The following UBE2QL1 variants were observed in gnomAD, a reference collection of about 807,000 sequenced individuals.
UBE2QL1 encodes ubiquitin-conjugating enzyme E2Q-like protein 1.
In UBE2QL1, 5 loss-of-function variants were observed where a neutral mutation model predicts 12.6. The observed-to-expected ratio is 0.40, with a 90% CI of 0.21 to 0.83. UBE2QL1 has a LOEUF of 0.83. Ranked by LOEUF, UBE2QL1 falls within the 40% of genes least tolerant of loss-of-function variation. The pLI is 0.37. For synonymous variants in UBE2QL1, 96 were observed against 94.5 expected (o/e 1.02, Z -0.10); for missense variants, 99 against 222.6 (o/e 0.44, Z 3.53).
At chr5:6,459,841 T>C (rs1296680532) in intron 1 of UBE2QL1, among the ~76,000 whole-genome samples, 1 of 152,196 alleles carries the variant, frequency 6.6e-6, no homozygotes, top group Non-Finnish European at 1.5e-5. Flanking sequence ...CTGCTGTGGT[T>C]TCTTTCAATC....
At position 6,461,544 on chromosome 5, in the gene UBE2QL1, C is replaced by T. The variant is rs114702687; in HGVS notation, c.354+12297C>T. On this transcript the variant is annotated intron_variant, in intron 1 of 1. Coordinates refer to ENST00000399816, the MANE Select transcript of UBE2QL1 (RefSeq NM_001145161.3). ...CCCCAGTGTTTTTCAGCACCCACCACCCCCCCCCGCCGGCATATCATTCTA... is the reference window on the plus strand; with the variant it reads ...CCCCAGTGTTTTTCAGCACCCACCATCCCCCCCCGCCGGCATATCATTCTA... Among the ~76,000 whole-genome samples, 10 of 86,966 alleles carry T rather than the reference C, an allele frequency of 1.1e-4. 1 individual carries two copies. In the South Asian group the frequency reaches 1.8e-3, roughly 16 times the overall value. 57.1% of individuals were successfully genotyped at this position (86,966 alleles called of 152,430 possible).
chr5:6,461,266 A>G (rs1344574309), intron 1 of UBE2QL1, among the ~76,000 whole-genome samples: 1 of 152,146 alleles, frequency 6.6e-6, no homozygotes, highest in East Asian at 1.9e-4. Context: ...GGCCTTGAGC[A>G]TTGACCCAAA....
Position 6,478,107 on chromosome 5 carries a change from C to T in UBE2QL1, c.355-13111C>T, listed in dbSNP as rs1002538414. 2.6e-5 allele frequency among the ~76,000 whole-genome samples: 4 copies of T among 152,168 alleles called. No homozygotes were observed. Among genetic ancestry groups the T allele is most frequent in the Non-Finnish European group, 5.9e-5 (4 of 68,020 alleles). On this transcript the variant is annotated intron_variant, in intron 1 of 1. Coordinates refer to ENST00000399816, the MANE Select transcript of UBE2QL1 (RefSeq NM_001145161.3). The surrounding 1 kb of genome is among the most constrained non-coding windows in gnomAD (Gnocchi z 4.5). ...GTCTTATTATTGCTGTGCTTTATTGCAAAAACAGACTATTTGAGAAAGTAA... is the reference window on the plus strand; with the variant it reads ...GTCTTATTATTGCTGTGCTTTATTGTAAAAACAGACTATTTGAGAAAGTAA...
Position 6,478,807 on chromosome 5 carries a change from G to A in UBE2QL1, c.355-12411G>A, listed in dbSNP as rs1734290610. On this transcript the variant is annotated intron_variant, in intron 1 of 1. Transcript: ENST00000399816. The surrounding 1 kb of genome is among the most constrained non-coding windows in gnomAD (Gnocchi z 4.5). ...TAGGGCTGCAGGTGGATGATCTCCTGCGCACGTGGGAGAGTGATCCTAGGA... is the reference window on the plus strand; with the variant it reads ...TAGGGCTGCAGGTGGATGATCTCCTACGCACGTGGGAGAGTGATCCTAGGA... 6.6e-6 allele frequency among the ~76,000 whole-genome samples: 1 copy of A among 152,148 alleles called. No individual in the cohort carries two copies. The highest frequency in any genetic ancestry group is 6.5e-5 in the Admixed American group (1 of 15,272).
chr5:6,483,143 A>T (rs1246114281), intron 1 of UBE2QL1, among the ~76,000 whole-genome samples: 1 of 152,226 alleles, frequency 6.6e-6, no homozygotes, highest in South Asian at 2.1e-4. Context: ...GCCTTTAAAA[A>T]TGAGAGCCCT....
At position 6,491,511 on chromosome 5, in the gene UBE2QL1, CAG is replaced by C; in HGVS notation, c.*167_*168del. The C allele has an allele frequency of 1.0e-6, 1 of 974,706 alleles. No individual in the cohort carries two copies. The highest frequency in any genetic ancestry group is 1.4e-6 in the Non-Finnish European group (1 of 705,398). 60.4% of individuals were successfully genotyped at this position (974,706 alleles called of 1,614,324 possible). On this transcript the variant is annotated 3_prime_UTR_variant, in exon 2 of 2. Transcript: ENST00000399816. ...AGTTATTTATGAAAAGATGTGTGTA[CAG>C]AGAGGAAGAGGGAGCAAATGCCGTT...
At chr5:6,463,182 T>A (rs1278318610) in intron 1 of UBE2QL1, among the ~76,000 whole-genome samples, 2 of 152,246 alleles carry the variant, frequency 1.3e-5, no homozygotes, top group Admixed American at 6.5e-5. Flanking sequence ...TCATGATGTT[T>A]ACAGATTGGT....
In UBE2QL1 at chr5:6,491,419, T is replaced by C. The variant is rs3733778; in HGVS notation, c.*70T>C. The C allele has an allele frequency of 0.16, 240,756 of 1,464,122 alleles. 31,721 individuals carry two copies. Among genetic ancestry groups the C allele is most frequent in the African/African-American group, 0.71 (49,784 of 70,326 alleles). 90.7% of individuals were successfully genotyped at this position (1,464,122 alleles called of 1,614,324 possible). A position where few individuals can be genotyped will look rare whatever the true frequency, so the allele number is the denominator to read the frequency against. ...CACCAGTACCCTGACATCTCCTCAA[T>C]GCTGTGCATCCTCCACCCGTTTTTA... On this transcript the variant is annotated 3_prime_UTR_variant, in exon 2 of 2. Transcript: ENST00000399816.
In UBE2QL1 at chr5:6,470,002, G is replaced by A. The variant is rs1487838607; in HGVS notation, c.354+20755G>A. ...GCGGGACCCTGCAATGGTCTGTGGC[G>A]ATTATAAGACAACAGCGATGCCGGG... On this transcript the variant is annotated intron_variant, in intron 1 of 1. Transcript: ENST00000399816. Among the ~76,000 whole-genome samples the A allele has an allele frequency of 2.2e-4, 34 of 152,208 alleles. 1 individual carries two copies. Among genetic ancestry groups the A allele is most frequent in the Admixed American group, 2.2e-3 (34 of 15,288 alleles).
Position 6,479,252 on chromosome 5 carries a change from T to C in UBE2QL1, c.355-11966T>C, listed in dbSNP as rs1405686013. ...GCGATGGGGCCCTGGATTCTCTTCC[T>C]GTTCAGTATGTGTTCCAAGAAGAAG... On this transcript the variant is annotated intron_variant, in intron 1 of 1. Transcript: ENST00000399816. The surrounding 1 kb of genome is among the most constrained non-coding windows in gnomAD (Gnocchi z 4.2). Among the ~76,000 whole-genome samples the C allele has an allele frequency of 6.6e-6, 1 of 151,818 alleles. No individual in the cohort carries two copies. The highest frequency in any genetic ancestry group is 1.5e-5 in the Non-Finnish European group (1 of 68,010).
rs1008108412 is a variant in UBE2QL1, at chr5:6,495,645, G to T, written c.*4296G>T. Among the ~76,000 whole-genome samples, 1 of 152,206 alleles carries T rather than the reference G, an allele frequency of 6.6e-6. No individual in the cohort carries two copies. Among genetic ancestry groups the T allele is most frequent in the African/African-American group, 2.4e-5 (1 of 41,446 alleles). On this transcript the variant is annotated 3_prime_UTR_variant, in exon 2 of 2. Coordinates refer to ENST00000399816, the MANE Select transcript of UBE2QL1 (RefSeq NM_001145161.3). ...CCAAGCCAGCTGAGAAACACCCACA[G>T]GATCCATTCTGTGCCCAAAGCAAAT... is the stretch of plus-strand genomic sequence containing the variant.
At chr5:6,464,753 A>T (rs1739748435) in intron 1 of UBE2QL1, among the ~76,000 whole-genome samples, 1 of 152,110 alleles carries the variant, frequency 6.6e-6, no homozygotes, top group South Asian at 2.1e-4. Flanking sequence ...TAAATGCCTT[A>T]ATGACGTTTC....
chr5:6,485,004 T>G (rs1030478486), intron 1 of UBE2QL1, among the ~76,000 whole-genome samples: 1 of 152,070 alleles, frequency 6.6e-6, no homozygotes, highest in African/African-American at 2.4e-5. Context: ...GCAGTTTGAA[T>G]GTAACCACCA....
chr5:6,461,543 A>ACCCCCCCCCCCCCCCCCC (rs71953375), intron 1 of UBE2QL1, among the ~76,000 whole-genome samples: 3 of 42,178 alleles, frequency 7.1e-5, no homozygotes, highest in Non-Finnish European at 1.5e-4. Context: ...AGCACCCACC[A>ACCCCCCCCCCCCCCCCCC]CCCCCCCCCG....
intron 1 of UBE2QL1, among the ~76,000 whole-genome samples, chr5:6,451,804 T>C (rs980249121): frequency 3.3e-5 from 5 of 152,260 alleles, no homozygotes; most frequent in Non-Finnish European, 7.3e-5. Flanking sequence ...TGTCTCTTTA[T>C]GTACTTTTGC....
chr5:6,489,831 C>T (rs1375376312), intron 1 of UBE2QL1, among the ~76,000 whole-genome samples: 1 of 152,200 alleles, frequency 6.6e-6, no homozygotes, highest in Non-Finnish European at 1.5e-5. Context: ...GTCCAAGGCA[C>T]CTGGCTGCTG....
At position 6,493,696 on chromosome 5, in the gene UBE2QL1, T is replaced by C. The variant is rs562334735; in HGVS notation, c.*2347T>C. 6.6e-6 allele frequency: 1 copy of C among 151,004 alleles called. No homozygotes were observed. Among genetic ancestry groups the C allele is most frequent in the Admixed American group, 6.5e-5 (1 of 15,284 alleles). 9.4% of individuals were successfully genotyped at this position (151,004 alleles called of 1,614,324 possible). On this transcript the variant is annotated 3_prime_UTR_variant, in exon 2 of 2. Transcript: ENST00000399816. ...TTTTTCACTCAATTGGTAAGAATTT[T>C]TCATTTTAAAAGCAGTAGGAAGTGA...
chr5:6,461,540 A>ACCCCCC lies in UBE2QL1; in HGVS notation c.354+12295_354+12296insCCCCCC, dbSNP rs71606052. ...CTATCCCCAGTGTTTTTCAGCACCC[A>ACCCCCC]CCACCCCCCCCCGCCGGCATATCAT... is the stretch of plus-strand genomic sequence containing the variant. On this transcript the variant is annotated intron_variant, in intron 1 of 1. Transcript: ENST00000399816. Among the ~76,000 whole-genome samples, 34 of 46,818 alleles carry ACCCCCC rather than the reference A, an allele frequency of 7.3e-4. 1 individual carries two copies. The highest frequency in any genetic ancestry group is 1.5e-3 in the Non-Finnish European group (31 of 20,678). 30.7% of individuals were successfully genotyped at this position (46,818 alleles called of 152,430 possible).
intron 1 of UBE2QL1, among the ~76,000 whole-genome samples, chr5:6,480,081 G>T (rs1222679179): frequency 6.6e-6 from 1 of 151,990 alleles, no homozygotes; most frequent in African/African-American, 2.4e-5. Context: ...TTTCGTTTGT[G>T]TTTGTTTGTT....
Sources: gnomAD v4.1 joint callset for allele counts (sites outside exome capture counted in the v4.1 genomes callset) on GRCh38, gnomAD v4.1.1 for gene constraint, Gnocchi (gnomAD v3.1) non-coding constraint, MANE v1.5 for transcripts, NCBI Gene and HGNC (gene_info 2026-07-23, HGNC 2026-07-21) for gene names.